Variants in AGBL1 observed in about 807,000 individuals in gnomAD.
The protein encoded by AGBL1 is cytosolic carboxypeptidase 4.
Under a neutral mutation model 118.9 loss-of-function variants are expected in AGBL1, and 130 were observed. That is an observed-to-expected ratio of 1.09 (90% CI 0.95 to 1.26). AGBL1 has a LOEUF of 1.26. AGBL1 is among the 50% of genes most tolerant of loss of function. AGBL1 has a pLI of 0.00. For synonymous variants in AGBL1, 555 were observed against 478.9 expected, an observed-to-expected ratio of 1.16 and a Z score of -2.08; for missense variants, 1,584 against 1,298.1, an observed-to-expected ratio of 1.22 and a Z score of -3.38.
At chr15:86,471,297 G>A (rs1311083889) in intron 18 of AGBL1, among the ~76,000 whole-genome samples, 1 of 152,110 alleles carries the variant, frequency 6.6e-6, no homozygotes, top group East Asian at 1.9e-4. Flanking sequence ...CATCTATTGA[G>A]ACAGTCATAT....
chr15:86,421,333 G>A (rs1385359080), intron 18 of AGBL1, among the ~76,000 whole-genome samples: 1 of 152,026 alleles, frequency 6.6e-6, no homozygotes, highest in Non-Finnish European at 1.5e-5. Flanking sequence ...AAAAAACTCA[G>A]AATTTCATAT....
Position 86,267,046 on chromosome 15 carries a change from GA to G in AGBL1, c.1811del (p.Asn604IlefsTer21). 6.4e-7 allele frequency: 1 copy of G among 1,568,508 alleles called. No homozygotes were observed. ...CLRFFSKFES[G>X]NLRKAIQVRE... ...CGGTTCTTCTCCAAATTTGAGTCAG[GA>G]AATCTTCGCAAAGCCATCCAAGTGC... is the stretch of plus-strand genomic sequence containing the variant. On this transcript the variant is annotated frameshift_variant, in exon 13 of 23. Transcript: ENST00000614907. LOFTEE classifies it high-confidence loss of function.
At chr15:86,680,282 C>T (rs1383647310) in intron 22 of AGBL1, among the ~76,000 whole-genome samples, 1 of 152,060 alleles carries the variant, frequency 6.6e-6, no homozygotes. Flanking sequence ...GTTGATTCAT[C>T]TTACATTTTT....
At chr15:87,021,449 G>C (rs947458845) in intron 24 of AGBL1, among the ~76,000 whole-genome samples, 2 of 152,120 alleles carry the variant, frequency 1.3e-5, no homozygotes. Context: ...AAGATTTCAT[G>C]ACAAAAGCAC....
intron 18 of AGBL1, among the ~76,000 whole-genome samples, chr15:86,454,666 T>C (rs955368658): frequency 3.3e-5 from 5 of 152,206 alleles, no homozygotes; most frequent in Non-Finnish European, 7.3e-5. Context: ...CACTGAATGA[T>C]TCTATTTTAT....
At chr15:86,530,295 C>T (rs955863684) in intron 19 of AGBL1, among the ~76,000 whole-genome samples, 1 of 115,920 alleles carries the variant, frequency 8.6e-6, no homozygotes, top group Non-Finnish European at 1.6e-5. Flanking sequence ...CAAAAAAAGG[C>T]AGGGGTTGCA....
At chr15:86,797,116 TC>T (rs2078583993) in intron 22 of AGBL1, among the ~76,000 whole-genome samples, 3 of 152,208 alleles carry the variant, frequency 2.0e-5, no homozygotes, top group Non-Finnish European at 4.4e-5. Flanking sequence ...TTGCAGGACC[TC>T]TGAAGATTAA....
intron 5 of AGBL1, among the ~76,000 whole-genome samples, chr15:86,169,064 G>C (rs1311131043): frequency 6.6e-6 from 1 of 152,176 alleles, no homozygotes; most frequent in African/African-American, 2.4e-5. Context: ...AATTCCCCCA[G>C]CTCATTGTCT....
rs970589766 is a variant in AGBL1 at position 86,124,744 on chromosome 15, A to C, written c.52-17260A>C. 1.9e-4 allele frequency among the ~76,000 whole-genome samples: 29 copies of C among 152,190 alleles called. 1 individual carries two copies. The highest frequency in any genetic ancestry group is 1.5e-5 in the Non-Finnish European group (1 of 68,040). On this transcript the variant is annotated intron_variant, in intron 1 of 22. Transcript: ENST00000614907. ...GTAATTCTTAAGAGTAAATGGTTAGAGTAGCCATTCATTATCAACTGCTTG... is the reference window on the plus strand; with the variant it reads ...GTAATTCTTAAGAGTAAATGGTTAGCGTAGCCATTCATTATCAACTGCTTG...
chr15:86,277,609 A>G (rs996145574), intron 15 of AGBL1, among the ~76,000 whole-genome samples: 3 of 152,180 alleles, frequency 2.0e-5, no homozygotes, highest in Non-Finnish European at 2.9e-5. Context: ...TTGAGTTTGC[A>G]TAGGCTAAAT....
At chr15:86,372,451 C>T (rs2080984331) in intron 17 of AGBL1, among the ~76,000 whole-genome samples, 1 of 152,062 alleles carries the variant, frequency 6.6e-6, no homozygotes, top group Non-Finnish European at 1.5e-5. Context: ...TCATTCTACC[C>T]ATCATTTCCT....
chr15:86,738,505 G>A (rs908470523), intron 22 of AGBL1, among the ~76,000 whole-genome samples: 9 of 152,130 alleles, frequency 5.9e-5, no homozygotes, highest in African/African-American at 2.2e-4. Context: ...AAAACTCTTA[G>A]AAATGGTAAA....
At chr15:86,844,574 A>G (rs2079292582) in intron 22 of AGBL1, among the ~76,000 whole-genome samples, 1 of 152,148 alleles carries the variant, frequency 6.6e-6, no homozygotes. Context: ...CTACCTATTA[A>G]TGAGTTGTGA....
chr15:86,838,371 C>T lies in AGBL1; in HGVS notation c.3159-68716C>T, dbSNP rs540621480. ...TATACCCTTATTCTTTTTCATAGCC[C>T]TCCTTTAGAATAATTTTTTTAAAGT... is the stretch of plus-strand genomic sequence containing the variant. On this transcript the variant is annotated intron_variant, in intron 22 of 22. Transcript: ENST00000614907. 2.6e-5 allele frequency among the ~76,000 whole-genome samples: 4 copies of T among 152,142 alleles called. No homozygotes were observed. In the East Asian group the frequency reaches 7.7e-4, roughly 29 times the overall value.
intron 18 of AGBL1, among the ~76,000 whole-genome samples, chr15:86,506,171 T>C (rs965477312): frequency 4.6e-5 from 7 of 152,080 alleles, no homozygotes; most frequent in Non-Finnish European, 8.8e-5. Flanking sequence ...CTTCACTTCC[T>C]GCTTGTTCAG....
intron 22 of AGBL1, among the ~76,000 whole-genome samples, chr15:86,685,781 T>G (rs2086043102): frequency 6.6e-6 from 1 of 152,164 alleles, no homozygotes; most frequent in South Asian, 2.1e-4. Flanking sequence ...GAATCAAAGC[T>G]TTTTCTCTTT....
intron 5 of AGBL1, among the ~76,000 whole-genome samples, chr15:86,204,183 C>G (rs1327918576): frequency 6.6e-6 from 1 of 152,150 alleles, no homozygotes; most frequent in Non-Finnish European, 1.5e-5. Context: ...AATCCTCATT[C>G]TATGCTTTCT....
intron 21 of AGBL1, among the ~76,000 whole-genome samples, chr15:86,575,289 A>G (rs532802440): frequency 6.6e-6 from 1 of 151,608 alleles, no homozygotes; most frequent in Non-Finnish European, 1.5e-5. Flanking sequence ...GCTTGAGCCT[A>G]GGAAGTCAGG....
rs186934615 is a variant in AGBL1 at position 86,575,491 on chromosome 15, C to A, written c.2994+20954C>A. 4.2e-3 allele frequency among the ~76,000 whole-genome samples: 640 copies of A among 151,764 alleles called. 24 individuals carry two copies. Among genetic ancestry groups the A allele is most frequent in the Non-Finnish European group, 9.1e-4 (62 of 67,938 alleles). On this transcript the variant is annotated intron_variant, in intron 21 of 22. Transcript: ENST00000614907. ...GTCCAGTTTGGGTAACAGAGAAAGACCCTGTCTCAAAAAAATAAGTAAATA... is the reference window on the plus strand; with the variant it reads ...GTCCAGTTTGGGTAACAGAGAAAGAACCTGTCTCAAAAAAATAAGTAAATA...
Sources: allele counts gnomAD v4.1 joint callset (sites outside exome capture counted in the v4.1 genomes callset), GRCh38; gene constraint gnomAD v4.1.1; transcripts MANE v1.5; gene names NCBI Gene and HGNC (gene_info 2026-07-23, HGNC 2026-07-21).